Variants in ADD2 observed in about 807,000 individuals in gnomAD.
ADD2 encodes beta-adducin.
ADD2 carries 23 observed loss-of-function variants against 83.0 expected under a neutral mutation model. The observed-to-expected ratio is 0.28, with a 90% CI of 0.20 to 0.39. The LOEUF is 0.39. Among genes scored for constraint, ADD2 ranks in the 10% least tolerant of loss-of-function variants. The probability of loss-of-function intolerance (pLI) is 1.00; values close to 1 mark genes in which losing one functional copy is unlikely to be tolerated. For synonymous variants in ADD2, 375 were observed against 375.4 expected (o/e 1.00, Z 0.01); for missense variants, 758 against 944.9 (o/e 0.80, Z 2.59).
intron 3 of ADD2, among the ~76,000 whole-genome samples, chr2:70,705,308 C>T (rs1671829323): frequency 6.6e-6 from 1 of 152,222 alleles, no homozygotes; most frequent in Admixed American, 6.5e-5. Flanking sequence ...CCTGGAGCTG[C>T]TCTGTGTGGC....
In ADD2 at chr2:70,676,878, T is replaced by C; in HGVS notation, c.1511A>G (p.Glu504Gly). 1 of 1,613,412 alleles carries C rather than the reference T, an allele frequency of 6.2e-7. No homozygotes were observed. Among genetic ancestry groups the C allele is most frequent in the Non-Finnish European group, 8.5e-7 (1 of 1,179,516 alleles). Residue 504 changes from glutamate to glycine, a missense_variant, in exon 13 of 16, where the codon GAA becomes GGA. Glu to Gly is a moderately conservative substitution (Grantham distance 98). This residue lies in a region of ADD2 where 394 missense variants were observed against 509.3 expected (regional missense o/e 0.77). Coordinates refer to ENST00000264436, the MANE Select transcript of ADD2 (RefSeq NM_001617.4). This position sits in a 1 kb window ranked among gnomAD's most constrained non-coding sequence, Gnocchi z 4.8. The part of the protein sequence containing the change: ...EVLEMRNKIR[E>G]QNRQDVKSAG... Reference sequence around the variant, plus strand: ...TGACTTCACATCTTGTCGGTTTTGTTCTCGAATCTGTGTGGAAAGGGGAGA... The same window carrying C: ...TGACTTCACATCTTGTCGGTTTTGTCCTCGAATCTGTGTGGAAAGGGGAGA...
chr2:70,729,455 G>T (rs1290914918), intron 1 of ADD2, among the ~76,000 whole-genome samples: 1 of 152,062 alleles, frequency 6.6e-6, no homozygotes, highest in East Asian at 1.9e-4. Flanking sequence ...TATTTACCTT[G>T]TTAGGCCCTG....
intron 10 of ADD2, among the ~76,000 whole-genome samples, chr2:70,680,157 T>C (rs1670384182): frequency 6.6e-6 from 1 of 152,182 alleles, no homozygotes; most frequent in Non-Finnish European, 1.5e-5. Flanking sequence ...AACATAAGTC[T>C]ATGTTTTTTA....
chr2:70,734,138 T>C (rs1319430177), intron 1 of ADD2, among the ~76,000 whole-genome samples: 1 of 152,122 alleles, frequency 6.6e-6, no homozygotes, highest in Non-Finnish European at 1.5e-5. Flanking sequence ...GCTCTATTAA[T>C]GGCTCAAACC....
chr2:70,700,702 A>G (rs1239680286), intron 4 of ADD2, among the ~76,000 whole-genome samples: 16 of 152,228 alleles, frequency 1.1e-4, no homozygotes, highest in African/African-American at 3.6e-4. Context: ...ATTGGTCAAT[A>G]AAGAGAAAGC....
In ADD2 at chr2:70,768,175, C is replaced by G. The variant is rs1187241259; in HGVS notation, c.-443G>C. 3 of 591,342 alleles carry G rather than the reference C, an allele frequency of 5.1e-6. No individual in the cohort carries two copies. The highest frequency in any genetic ancestry group is 6.3e-5 in the Admixed American group (2 of 31,602). 36.6% of individuals were successfully genotyped at this position (591,342 alleles called of 1,614,324 possible). A position where few individuals can be genotyped will look rare whatever the true frequency, so the allele number is the denominator to read the frequency against. On this transcript the variant is annotated 5_prime_UTR_variant, in exon 1 of 16. Transcript: ENST00000264436. ...CCTGCCGTCAGAATTAAAGCCATTT[C>G]CCGCACGAGGCTGGGAGGAAATGAG...
chr2:70,694,072 C>A (rs1429748347), intron 6 of ADD2, among the ~76,000 whole-genome samples: 1 of 152,212 alleles, frequency 6.6e-6, no homozygotes, highest in Non-Finnish European at 1.5e-5. Context: ...CTCCCTTGTG[C>A]AGTGCACAAA....
At chr2:70,674,562 A>G (rs1670040208) in intron 14 of ADD2, 116 bp downstream of exon 14, 1 of 1,151,904 alleles carries the variant, frequency 8.7e-7, no homozygotes, top group Non-Finnish European at 1.2e-6. Context: ...GATTAATGGA[A>G]CTACAGTAGA....
Position 70,706,206 on chromosome 2 carries a change from C to T in ADD2, c.183+20G>A, listed in dbSNP as rs782596034. On this transcript the variant is annotated intron_variant, in intron 3 of 15. Transcript: ENST00000264436. This position sits in a 1 kb window ranked among gnomAD's most constrained non-coding sequence, Gnocchi z 5.0. Reference sequence around the variant, plus strand: ...CCAGCGCCCCCTGCGCCCTCTCCCGCCCGGGTCAGCCCCACTCACGGGACT... The same window carrying T: ...CCAGCGCCCCCTGCGCCCTCTCCCGTCCGGGTCAGCCCCACTCACGGGACT... 1.6e-5 allele frequency: 26 copies of T among 1,610,016 alleles called. No individual in the cohort carries two copies. Among genetic ancestry groups the T allele is most frequent in the Middle Eastern group, 3.5e-4 (2 of 5,788 alleles).
At chr2:70,758,727 G>C (rs1433730081) in intron 1 of ADD2, among the ~76,000 whole-genome samples, 1 of 152,164 alleles carries the variant, frequency 6.6e-6, no homozygotes, top group African/African-American at 2.4e-5. Flanking sequence ...TTGAGCCCAG[G>C]AGGTTAAGGC....
rs1553374585 is a variant in ADD2, at chr2:70,706,764, G to A, written c.-34-322C>T. ...AATGGAAACATGACCTGCAGACCTTGTTGAGCATTTCTGTGATGCACACCT... is the reference window on the plus strand; with the variant it reads ...AATGGAAACATGACCTGCAGACCTTATTGAGCATTTCTGTGATGCACACCT... On this transcript the variant is annotated intron_variant, in intron 2 of 15. Transcript: ENST00000264436. This position sits in a 1 kb window ranked among gnomAD's most constrained non-coding sequence, Gnocchi z 5.0. Among the ~76,000 whole-genome samples the A allele has an allele frequency of 6.6e-6, 1 of 152,172 alleles. No homozygotes were observed. The highest frequency in any genetic ancestry group is 1.5e-5 in the Non-Finnish European group (1 of 68,036).
chr2:70,703,200 A>G (rs1249897552), intron 4 of ADD2, among the ~76,000 whole-genome samples: 2 of 152,090 alleles, frequency 1.3e-5, no homozygotes, highest in South Asian at 2.1e-4. Context: ...GGAAGAAGAA[A>G]AGAAAACGAA....
rs73936994 is a variant in ADD2, at chr2:70,661,071, C to T, written c.*2354G>A. Reference sequence around the variant, plus strand: ...AAAGTGGGCCCATGGCATAAATTCCCAGAATAATGCTGCAGCAAGACTCCA... The same window carrying T: ...AAAGTGGGCCCATGGCATAAATTCCTAGAATAATGCTGCAGCAAGACTCCA... On this transcript the variant is annotated 3_prime_UTR_variant, in exon 16 of 16. Coordinates refer to ENST00000264436, the MANE Select transcript of ADD2 (RefSeq NM_001617.4). The T allele has an allele frequency of 7.2e-5, 11 of 152,158 alleles. No individual in the cohort carries two copies. The East Asian group carries it at 1.9e-3, about 27-fold the overall frequency. 9.4% of individuals were successfully genotyped at this position (152,158 alleles called of 1,614,324 possible). A position where few individuals can be genotyped will look rare whatever the true frequency, so the allele number is the denominator to read the frequency against.
intron 2 of ADD2, among the ~76,000 whole-genome samples, chr2:70,707,417 G>A (rs1671960205): frequency 2.0e-5 from 3 of 152,262 alleles, no homozygotes; most frequent in African/African-American, 7.2e-5. Context: ...TCAAGCTGGG[G>A]GAAACCTGTG....
rs782390324 is a variant in ADD2 at position 70,727,621 on chromosome 2, G to A, written c.-153-14437C>T. 6.6e-5 allele frequency among the ~76,000 whole-genome samples: 10 copies of A among 152,034 alleles called. No individual in the cohort carries two copies. The East Asian group carries it at 1.2e-3, about 18-fold the overall frequency. On this transcript the variant is annotated intron_variant, in intron 1 of 15. Coordinates refer to ENST00000264436, the MANE Select transcript of ADD2 (RefSeq NM_001617.4). ...CTTTAGAATGCAGAATTGGCCAGGC[G>A]CGGTGGCTCATGCCTATAATCCCCG...
At chr2:70,761,359 A>G (rs782442635) in intron 1 of ADD2, among the ~76,000 whole-genome samples, 4 of 151,938 alleles carry the variant, frequency 2.6e-5, no homozygotes, top group Non-Finnish European at 5.9e-5. Flanking sequence ...CTGTAATCCC[A>G]GCACTTTGGG....
At chr2:70,664,750 GGTGT>G (rs1173964867) in intron 15 of ADD2, among the ~76,000 whole-genome samples, 49 of 124,254 alleles carry the variant, frequency 3.9e-4, no homozygotes, top group Non-Finnish European at 4.4e-4. Flanking sequence ...TGTGTGTGTG[GGTGT>G]GTGAGGGTGT....
rs1670169583 is a variant in ADD2, at chr2:70,676,784, C to T, written c.1593+12G>A. The T allele has an allele frequency of 6.2e-7, 1 of 1,614,182 alleles. No individual in the cohort carries two copies. On this transcript the variant is annotated intron_variant, in intron 13 of 15. Coordinates refer to ENST00000264436, the MANE Select transcript of ADD2 (RefSeq NM_001617.4). The surrounding 1 kb of genome is among the most constrained non-coding windows in gnomAD (Gnocchi z 4.8). ...ACGTTTCCCCGCCAGTCAGGGGCAGCCTCTGCTCTACCGGGCTTCGGCTCT... is the reference window on the plus strand; with the variant it reads ...ACGTTTCCCCGCCAGTCAGGGGCAGTCTCTGCTCTACCGGGCTTCGGCTCT...
chr2:70,678,979 A>G lies in ADD2; in HGVS notation c.1126-18T>C, dbSNP rs1553369043. The G allele has an allele frequency of 1.3e-6, 2 of 1,591,756 alleles. No homozygotes were observed. Among genetic ancestry groups the G allele is most frequent in the Admixed American group, 3.5e-5 (2 of 57,336 alleles). ...CTGTAGCCCTATAAAGGACAAAAAT[A>G]GAACCACTTATGGGGTGAGAAAAAA... On this transcript the variant is annotated intron_variant, in intron 10 of 15. Coordinates refer to ENST00000264436, the MANE Select transcript of ADD2 (RefSeq NM_001617.4).
Sources: gnomAD v4.1 joint callset for allele counts (sites outside exome capture counted in the v4.1 genomes callset) on GRCh38, gnomAD v4.1.1 for gene constraint, gnomAD v4.1.1 regional missense constraint, Gnocchi (gnomAD v3.1) non-coding constraint, MANE v1.5 for transcripts, NCBI Gene and HGNC (gene_info 2026-07-23, HGNC 2026-07-21) for gene names.